Variants in CUBN observed in about 807,000 individuals in gnomAD.
The protein encoded by CUBN is cubilin.
CUBN carries 282 observed loss-of-function variants against 405.3 expected under a neutral mutation model. The ratio of observed to expected loss-of-function variants is 0.70; its 90% CI spans 0.63 to 0.77. The LOEUF (loss-of-function observed/expected upper bound fraction) is 0.77. CUBN is among the 30% of genes least tolerant of loss of function. The pLI, the probability that CUBN is intolerant of heterozygous loss-of-function variation, is 0.00. For synonymous variants in CUBN, 1,684 were observed against 1,617.0 expected, an observed-to-expected ratio of 1.04 and a Z score of -0.99; for missense variants, 4,514 against 4,475.2, an observed-to-expected ratio of 1.01 and a Z score of -0.25.
At chr10:16,985,993 C>T (rs1408178890) in intron 29 of CUBN, among the ~76,000 whole-genome samples, 2 of 152,192 alleles carry the variant, frequency 1.3e-5, no homozygotes, top group South Asian at 2.1e-4. Flanking sequence ...TTCTCAGTCT[C>T]CTCTGGGTCC....
chr10:16,895,470 A>G (rs1320733666), intron 54 of CUBN, among the ~76,000 whole-genome samples: 3 of 152,150 alleles, frequency 2.0e-5, no homozygotes, highest in Non-Finnish European at 4.4e-5. Context: ...TGTTCTATCA[A>G]TTACTGAGAG....
intron 58 of CUBN, among the ~76,000 whole-genome samples, chr10:16,873,486 C>T (rs1840416103): frequency 6.6e-6 from 1 of 152,046 alleles, no homozygotes; most frequent in Non-Finnish European, 1.5e-5. Context: ...CCATGGGAGG[C>T]CGAGGCGGGA....
At chr10:16,984,001 A>G (rs1833349816) in intron 30 of CUBN, 104 bp downstream of exon 30, 1 of 1,283,570 alleles carries the variant, frequency 7.8e-7, no homozygotes, top group African/African-American at 1.5e-5. Flanking sequence ...TTGGGATGTC[A>G]CTAAGTTATA....
chr10:16,870,689 C>T (rs770767182), intron 58 of CUBN, among the ~76,000 whole-genome samples: 2 of 152,236 alleles, frequency 1.3e-5, no homozygotes, highest in Non-Finnish European at 2.9e-5. Context: ...TGGATGACCA[C>T]GATGAGCAGA....
intron 60 of CUBN, among the ~76,000 whole-genome samples, chr10:16,849,255 T>C (rs1162735654): frequency 1.3e-5 from 2 of 152,070 alleles, no homozygotes; most frequent in East Asian, 3.9e-4. Context: ...ACACTATTCC[T>C]GGTCTTCACA....
At chr10:16,978,834 T>A (rs912636248) in intron 31 of CUBN, among the ~76,000 whole-genome samples, 4 of 152,208 alleles carry the variant, frequency 2.6e-5, no homozygotes, top group Non-Finnish European at 4.4e-5. Flanking sequence ...TATTGGAAGT[T>A]CAGGTCACAG....
intron 29 of CUBN, among the ~76,000 whole-genome samples, chr10:16,987,423 T>C (rs1312327863): frequency 6.6e-6 from 1 of 152,256 alleles, no homozygotes; most frequent in Non-Finnish European, 1.5e-5. Flanking sequence ...ATGGTTTTAA[T>C]CTGTTTTGAA....
chr10:16,933,761 T>C (rs1478756750), intron 39 of CUBN, among the ~76,000 whole-genome samples: 1 of 152,184 alleles, frequency 6.6e-6, no homozygotes, highest in Non-Finnish European at 1.5e-5. Context: ...GCCTTCTAGA[T>C]TTCCAGAAAC....
At chr10:17,016,711 G>T (rs919350731) in intron 28 of CUBN, among the ~76,000 whole-genome samples, 5 of 152,096 alleles carry the variant, frequency 3.3e-5, no homozygotes, top group Admixed American at 2.6e-4. Context: ...GTCCCTTGGA[G>T]ATTTCTTTGC....
chr10:17,091,320 T>A (rs1836252525), intron 14 of CUBN, among the ~76,000 whole-genome samples: 1 of 151,926 alleles, frequency 6.6e-6, no homozygotes, highest in Admixed American at 6.6e-5. Flanking sequence ...TGTACAGATA[T>A]CGAAAACAAA....
intron 31 of CUBN, among the ~76,000 whole-genome samples, chr10:16,975,147 T>G (rs1352275530): frequency 3.3e-5 from 5 of 152,212 alleles, no homozygotes; most frequent in Non-Finnish European, 5.9e-5. Flanking sequence ...ATTATCTGAT[T>G]CTGACAACTT....
In CUBN at chr10:17,045,917, A is replaced by G. The variant is rs776033483; in HGVS notation, c.3490+17T>C. 2 of 1,613,418 alleles carry G rather than the reference A, an allele frequency of 1.2e-6. No homozygotes were observed. The highest frequency in any genetic ancestry group is 1.7e-6 in the Non-Finnish European group (2 of 1,179,660). ...CAGATTGGCTTCTCCAGTAAAAGACAGCTCTTTGCTATTTACCTGTTGATG... is the reference window on the plus strand; with the variant it reads ...CAGATTGGCTTCTCCAGTAAAAGACGGCTCTTTGCTATTTACCTGTTGATG... On this transcript the variant is annotated intron_variant, in intron 24 of 66. Transcript: ENST00000377833.
chr10:17,053,300 T>C (rs2087631), intron 22 of CUBN, among the ~76,000 whole-genome samples: 76,255 of 151,676 alleles, frequency 0.5, 23,114 homozygotes, highest in East Asian at 0.67. Flanking sequence ...CAATTATATG[T>C]TTTTTACTAT....
chr10:16,847,558 T>C (rs1180985959), intron 60 of CUBN, among the ~76,000 whole-genome samples: 1 of 152,258 alleles, frequency 6.6e-6, no homozygotes, highest in Non-Finnish European at 1.5e-5. Flanking sequence ...GTCAGTCTCC[T>C]ACACTTTACT....
chr10:17,034,077 G>C (rs76505891), intron 27 of CUBN, among the ~76,000 whole-genome samples: 5,836 of 152,232 alleles, frequency 0.038, 219 homozygotes, highest in South Asian at 0.21. Flanking sequence ...CATCAGCAAG[G>C]ATTTGGCAAG....
chr10:16,848,690 CTTTTTTTTTTTTTTT>C (rs10562297), intron 60 of CUBN, among the ~76,000 whole-genome samples: 4 of 53,338 alleles, frequency 7.5e-5, no homozygotes, highest in Non-Finnish European at 1.4e-4. Context: ...CTCTCCCAGC[CTTTTTTTTTTTTTTT>C]TTTTTTTTTT....
At position 16,825,013 on chromosome 10, in the gene CUBN, G is replaced by A. The variant is rs151134377; in HGVS notation, c.10834C>T (p.Arg3612Trp). 2.3e-4 allele frequency: 364 copies of A among 1,613,646 alleles called. 1 individual carries two copies. The highest frequency in any genetic ancestry group is 1.7e-3 in the Admixed American group (102 of 59,988). The change falls in exon 67 of 67, where the codon CGG becomes TGG. Residue 3612 changes from arginine (R) to tryptophan (W), a missense_variant. Around this residue, in one of 5 missense-constraint regions of CUBN, gnomAD observed 1,186 missense variants for 1,186.9 expected, o/e 1.00. Coordinates refer to ENST00000377833, the MANE Select transcript of CUBN (RefSeq NM_001081.4). ...VFIKFHADYA[R>W]RPSAFRLTWD... The stretch of plus-strand genomic sequence containing the variant: ...GTTAATCGGAATGCGGATGGACGCC[G>A]TGCATAATCAGCATGAAATTTTATG...
chr10:16,864,376 T>C (rs1268793789), intron 59 of CUBN, among the ~76,000 whole-genome samples: 1 of 149,238 alleles, frequency 6.7e-6, no homozygotes, highest in Non-Finnish European at 1.5e-5. Context: ...CCCTCCAACC[T>C]TGGAAATAGG....
At position 16,915,277 on chromosome 10, in the gene CUBN, C is replaced by A. The variant is rs545068276; in HGVS notation, c.7211-105G>T. 8.1e-6 allele frequency: 11 copies of A among 1,358,102 alleles called. No individual in the cohort carries two copies. In the East Asian group the frequency reaches 2.3e-4, roughly 29 times the overall value. The allele number at this position is 1,358,102 out of a possible 1,614,324, so 84.1% of individuals were successfully genotyped here. ...CAAAGAAAATAATAAAAAACAAGAC[C>A]CTGCCTATGAAGAAACGTTAATCTC... On this transcript the variant is annotated intron_variant, in intron 46 of 66. Transcript: ENST00000377833.
Sources: gnomAD v4.1 joint callset for allele counts (sites outside exome capture counted in the v4.1 genomes callset) on GRCh38, gnomAD v4.1.1 for gene constraint, gnomAD v4.1.1 regional missense constraint, MANE v1.5 for transcripts, NCBI Gene and HGNC (gene_info 2026-07-23, HGNC 2026-07-21) for gene names.